USP28: variants seen among roughly 807,000 people sequenced by gnomAD.
USP28 encodes ubiquitin specific peptidase 28.
A neutral mutation model predicts 145.0 loss-of-function variants in USP28; 113 were observed. The observed-to-expected ratio is 0.78, with a 90% confidence interval of 0.67 to 0.91. The LOEUF (loss-of-function observed/expected upper bound fraction) is 0.91. USP28 is among the 40% of genes least tolerant of loss of function. USP28 has a pLI of 0.00. For synonymous variants in USP28, 447 were observed against 450.9 expected (o/e 0.99, Z 0.11); for missense variants, 1,201 against 1,289.6 (o/e 0.93, Z 1.05).
chr11:113,803,130 A>C, intron 23 of USP28, 28 bp downstream of exon 24: 1 of 1,589,124 alleles, frequency 6.3e-7, no homozygotes, highest in African/African-American at 1.4e-5. Flanking sequence ...CAACAAAAAA[A>C]CCTTAAGGCT....
chr11:113,840,540 T>C (rs558303624), intron 5 of USP28, 58 bp downstream of exon 5: 1 of 1,567,960 alleles, frequency 6.4e-7, no homozygotes, highest in South Asian at 1.2e-5. Context: ...TACATTTCAG[T>C]TTAATAAATT....
chr11:113,821,186 G>T, intron 12 of USP28: 2 of 223,232 alleles, frequency 9.0e-6, no homozygotes, highest in South Asian at 1.6e-4. Flanking sequence ...CAATCTTGAA[G>T]AGCATGGCAT....
At chr11:113,865,306 C>T (rs1282729164) in intron 1 of USP28, among the ~76,000 whole-genome samples, 1 of 152,188 alleles carries the variant, frequency 6.6e-6, no homozygotes, top group African/African-American at 2.4e-5. Flanking sequence ...AAAAGAGCTG[C>T]AATGCTTTGG....
chr11:113,857,004 A>C (rs989664100), intron 1 of USP28, among the ~76,000 whole-genome samples: 1 of 152,254 alleles, frequency 6.6e-6, no homozygotes, highest in African/African-American at 2.4e-5. Context: ...TATCATCAGA[A>C]GTAGAGAGGT....
chr11:113,818,138 ATTTATTT>A (rs779245647), intron 12 of USP28: 101 of 243,062 alleles, frequency 4.2e-4, no homozygotes, highest in Non-Finnish European at 6.7e-4. Flanking sequence ...TTGGTCATTT[ATTTATTT>A]TTTATTTTTT....
chr11:113,829,616 C>T, intron 9 of USP28: 4 of 387,586 alleles, frequency 1.0e-5, no homozygotes, highest in Non-Finnish European at 1.9e-5. Context: ...TCACTTGAGG[C>T]CAGGAGTTTG....
At chr11:113,801,449 A>G (rs755831902) in intron 24 of USP28, 34 bp downstream of exon 25, 1 of 1,481,470 alleles carries the variant, frequency 6.8e-7, no homozygotes, top group East Asian at 2.3e-5. Context: ...TACAATTCTC[A>G]AAACCTCAGA....
At chr11:113,818,003 T>A in intron 12 of USP28, 166 bp from the exon 13 acceptor site, 1 of 601,228 alleles carries the variant, frequency 1.7e-6, no homozygotes, top group Non-Finnish European at 2.6e-6. Flanking sequence ...AAAAATTCTC[T>A]AACTACAAAA....
chr11:113,833,312 G>A, intron 7 of USP28, 108 bp downstream of exon 7: 1 of 1,442,216 alleles, frequency 6.9e-7, no homozygotes, highest in Non-Finnish European at 9.4e-7. Context: ...AGCATCCATA[G>A]TCCTGCTTAG....
chr11:113,840,159 C>T (rs1238367093), intron 5 of USP28, among the ~76,000 whole-genome samples: 1 of 152,214 alleles, frequency 6.6e-6, no homozygotes, highest in Non-Finnish European at 1.5e-5. Flanking sequence ...TACTCAACTA[C>T]TGCAGGCATA....
chr11:113,811,369 A>G lies in USP28; in HGVS notation c.1972+907T>C, dbSNP rs187007640. Among the ~76,000 whole-genome samples, 22 of 152,354 alleles carry G rather than the reference A, an allele frequency of 1.4e-4. 2 individuals carry two copies. Among genetic ancestry groups the G allele is most frequent in the East Asian group, 1.2e-3 (6 of 5,192 alleles). ...TCTGTATGAGTAGTAGTATTACAAC[A>G]ACTGTGAAACTATTCAGGCAAATAC... On this transcript the variant is annotated intron_variant, in intron 16 of 24. Transcript: ENST00000003302.
chr11:113,805,205 C>A (rs1939734852), intron 19 of USP28, among the ~76,000 whole-genome samples, 159 bp from the exon 21 acceptor site: 1 of 151,546 alleles, frequency 6.6e-6, no homozygotes, highest in African/African-American at 2.4e-5. Flanking sequence ...AAGTTTCTTG[C>A]ATTTCATAAG....
At chr11:113,836,165 C>A (rs560414526) in intron 5 of USP28, among the ~76,000 whole-genome samples, 1 of 152,134 alleles carries the variant, frequency 6.6e-6, no homozygotes, top group Non-Finnish European at 1.5e-5. Flanking sequence ...CTTACCCAAC[C>A]GCTGCTGCTT....
chr11:113,846,670 TAA>T (rs1485110357), intron 3 of USP28, among the ~76,000 whole-genome samples: 1 of 152,226 alleles, frequency 6.6e-6, no homozygotes, highest in African/African-American at 2.4e-5. Context: ...TGTTTTTTAC[TAA>T]AATAATAATT....
At chr11:113,806,562 T>G (rs1157351656) in exon 19 of USP28, 1 of 1,592,376 alleles carries the variant, frequency 6.3e-7, no homozygotes. Context: ...GATGACCCCT[T>G]GCATGGCAGG....
intron 18 of USP28, among the ~76,000 whole-genome samples, 175 bp downstream of exon 19, chr11:113,807,776 A>G (rs1940262073): frequency 6.6e-6 from 1 of 152,190 alleles, no homozygotes; most frequent in Non-Finnish European, 1.5e-5. Flanking sequence ...TATACAATAG[A>G]AACATGGCTA....
At chr11:113,840,475 A>T in intron 5 of USP28, 123 bp downstream of exon 5, 1 of 1,289,268 alleles carries the variant, frequency 7.8e-7, no homozygotes, top group South Asian at 1.6e-5. Flanking sequence ...CAATAATGCC[A>T]GAAAAACTCC....
At chr11:113,870,935 TTTG>T (rs145083932) in intron 1 of USP28, among the ~76,000 whole-genome samples, 5,364 of 152,110 alleles carry the variant, frequency 0.035, 428 homozygotes, top group East Asian at 0.3. Context: ...AATAGACACT[TTTG>T]TTGTTGTTAT....
chr11:113,874,457 C>T (rs1949170551), intron 1 of USP28: 1 of 734,940 alleles, frequency 1.4e-6, no homozygotes, highest in East Asian at 8.3e-5. Context: ...AAAGTGTCTC[C>T]ATGCTAAATA....
Sources: gnomAD v4.1 joint callset for allele counts (sites outside exome capture counted in the v4.1 genomes callset) on GRCh38, gnomAD v4.1.1 for gene constraint, MANE v1.5 for transcripts, NCBI Gene and HGNC (gene_info 2026-07-23, HGNC 2026-07-21) for gene names.